HTR1E: variants seen among roughly 807,000 people sequenced by gnomAD.
The protein encoded by HTR1E is 5-hydroxytryptamine receptor 1E, also known as 5-HT-1E.
HTR1E carries 3 observed loss-of-function variants against 3.4 expected under a neutral mutation model. That is an observed-to-expected ratio of 0.89 (90% CI 0.41 to 2.31). The LOEUF (loss-of-function observed/expected upper bound fraction) is 2.31, where lower values mean the gene tolerates loss of function less well. Among genes scored for constraint, HTR1E ranks in the 30% most tolerant of loss-of-function variants. The pLI is 0.05. For synonymous variants in HTR1E, 170 were observed against 182.8 expected, an observed-to-expected ratio of 0.93 and a Z score of 0.56; for missense variants, 392 against 467.0, an observed-to-expected ratio of 0.84 and a Z score of 1.48.
intron 1 of HTR1E, among the ~76,000 whole-genome samples, chr6:87,007,445 A>C (rs1023136789): frequency 2.0e-5 from 3 of 152,224 alleles, no homozygotes; most frequent in African/African-American, 7.2e-5. Context: ...GTCAACAATA[A>C]TTTATTCTAA....
In HTR1E at chr6:87,016,108, G is replaced by T; in HGVS notation, c.774G>T (p.Lys258Asn). 1.2e-6 allele frequency: 2 copies of T among 1,614,150 alleles called. No individual in the cohort carries two copies. The highest frequency in any genetic ancestry group is 1.7e-6 in the Non-Finnish European group (2 of 1,180,022). Residue 258 changes from lysine to asparagine, a missense_variant, in exon 2 of 2, where the codon AAG (lysine) becomes AAT (asparagine). Coordinates refer to ENST00000305344, the MANE Select transcript of HTR1E (RefSeq NM_000865.3). ...CAGACCCTACCACAGAGTTTGAAAA[G>T]TTCCATGCCTCCATCAGGATCCCCC... ...STSDPTTEFE[K>N]FHASIRIPPF...
intron 1 of HTR1E, chr6:86,999,935 ATTT>A (rs1213910427): frequency 2.0e-5 from 3 of 152,270 alleles, no homozygotes; most frequent in African/African-American, 7.2e-5. Flanking sequence ...ACAAAGCACC[ATTT>A]TAAACCATTT....
chr6:86,948,682 T>C (rs1458003628), intron 1 of HTR1E, among the ~76,000 whole-genome samples: 1 of 151,820 alleles, frequency 6.6e-6, no homozygotes, highest in Non-Finnish European at 1.5e-5. Flanking sequence ...GAATGCACCC[T>C]TGGCTCCAAG....
intron 1 of HTR1E, among the ~76,000 whole-genome samples, chr6:86,938,301 G>A (rs1375692621): frequency 6.6e-6 from 1 of 152,196 alleles, no homozygotes. Flanking sequence ...CCAGCCCTCA[G>A]AAAATAATAC....
At chr6:87,013,071 G>T (rs1768261419) in intron 1 of HTR1E, among the ~76,000 whole-genome samples, 1 of 152,198 alleles carries the variant, frequency 6.6e-6, no homozygotes. Flanking sequence ...ATGAGCAGGT[G>T]CCAGCTGACT....
In HTR1E at chr6:86,960,369, C is replaced by T. The variant is rs769959896; in HGVS notation, c.-186+22546C>T. 1.2e-4 allele frequency among the ~76,000 whole-genome samples: 19 copies of T among 152,312 alleles called. No individual in the cohort carries two copies. In the Middle Eastern group the frequency reaches 0.01, roughly 82 times the overall value. On this transcript the variant is annotated intron_variant, in intron 1 of 1. Transcript: ENST00000305344. Reference sequence around the variant, plus strand: ...ATTCATAAAGGCAGACCCCTCCTGACCTAAACACCTCTCCAAGGCCCTACC... The same window carrying T: ...ATTCATAAAGGCAGACCCCTCCTGATCTAAACACCTCTCCAAGGCCCTACC...
At chr6:86,971,761 G>T (rs1767560740) in intron 1 of HTR1E, among the ~76,000 whole-genome samples, 1 of 152,052 alleles carries the variant, frequency 6.6e-6, no homozygotes, top group Non-Finnish European at 1.5e-5. Flanking sequence ...TGGGAATATT[G>T]CATGATGCTG....
At position 87,016,611 on chromosome 6, in the gene HTR1E, C is replaced by T; in HGVS notation, c.*179C>T. On this transcript the variant is annotated 3_prime_UTR_variant, in exon 2 of 2. Coordinates refer to ENST00000305344, the MANE Select transcript of HTR1E (RefSeq NM_000865.3). ...GTTTTGTTTGAGGATTGTTATTTGG[C>T]GTGCTGTTTTCTACCTCTGGTCTTA... 1.9e-6 allele frequency: 1 copy of T among 524,848 alleles called. No homozygotes were observed. Among genetic ancestry groups the T allele is most frequent in the Non-Finnish European group, 3.3e-6 (1 of 303,700 alleles). The allele number at this position is 524,848 out of a possible 1,614,324, so 32.5% of individuals were successfully genotyped here.
intron 1 of HTR1E, among the ~76,000 whole-genome samples, chr6:86,941,030 A>G (rs1373173251): frequency 5.3e-5 from 8 of 152,252 alleles, no homozygotes; most frequent in Non-Finnish European, 7.3e-5. Context: ...GGACAGATGA[A>G]CAGGGAAGAG....
chr6:87,002,201 A>G (rs1030168127), intron 1 of HTR1E, among the ~76,000 whole-genome samples: 5 of 152,098 alleles, frequency 3.3e-5, no homozygotes, highest in African/African-American at 1.2e-4. Flanking sequence ...GTTCTTAAAG[A>G]TGGTGTGTCC....
At chr6:87,012,716 T>TA (rs1449713620) in intron 1 of HTR1E, among the ~76,000 whole-genome samples, 2 of 152,258 alleles carry the variant, frequency 1.3e-5, no homozygotes, top group Non-Finnish European at 2.9e-5. Context: ...ACATAGTACT[T>TA]ACTATGTATT....
In HTR1E at chr6:87,016,046, C is replaced by T; in HGVS notation, c.712C>T (p.Leu238Phe). 5 of 1,614,220 alleles carry T rather than the reference C, an allele frequency of 3.1e-6. No homozygotes were observed. Among genetic ancestry groups the T allele is most frequent in the Non-Finnish European group, 4.2e-6 (5 of 1,180,038 alleles). Residue 238 changes from leucine (L) to phenylalanine (F), a missense_variant, in exon 2 of 2, where the codon CTT (leucine) becomes TTT (phenylalanine). Around this residue, in one of 3 missense-constraint regions of HTR1E, gnomAD observed 178 missense variants for 164.9 expected, o/e 1.08. Transcript: ENST00000305344. ...CCAGAATTCTTTTGCAAGTTGTAAA[C>T]TTACACAGACTTTCTGTGTGTCTGA... ...DSQNSFASCK[L>F]TQTFCVSDFS...
chr6:86,990,239 C>A (rs920559930), intron 1 of HTR1E, among the ~76,000 whole-genome samples: 27 of 152,188 alleles, frequency 1.8e-4, no homozygotes, highest in African/African-American at 6.0e-4. Context: ...TATGCTAATA[C>A]AACCTCAAGC....
chr6:87,002,285 T>A (rs1251497641), intron 1 of HTR1E, among the ~76,000 whole-genome samples: 1 of 152,184 alleles, frequency 6.6e-6, no homozygotes, highest in African/African-American at 2.4e-5. Flanking sequence ...CTTGCTGACT[T>A]CAGGAGCGAA....
At chr6:86,999,102 G>A (rs1235630743) in intron 1 of HTR1E, among the ~76,000 whole-genome samples, 1 of 152,078 alleles carries the variant, frequency 6.6e-6, no homozygotes, top group Non-Finnish European at 1.5e-5. Context: ...TGGGATTACA[G>A]GAACAGGCAA....
intron 1 of HTR1E, among the ~76,000 whole-genome samples, chr6:86,991,491 T>C (rs957642043): frequency 2.0e-5 from 3 of 152,188 alleles, no homozygotes; most frequent in African/African-American, 2.4e-5. Context: ...TTAAAATAGA[T>C]GGTGCAAATG....
chr6:86,941,504 G>C (rs572794259), intron 1 of HTR1E, among the ~76,000 whole-genome samples: 22 of 152,222 alleles, frequency 1.4e-4, no homozygotes, highest in African/African-American at 2.9e-4. Flanking sequence ...CACTTTAATA[G>C]GTTTATTGTT....
At chr6:86,967,646 A>T (rs971749355) in intron 1 of HTR1E, among the ~76,000 whole-genome samples, 9 of 152,294 alleles carry the variant, frequency 5.9e-5, no homozygotes, top group African/African-American at 1.9e-4. Context: ...GATCAGGGAA[A>T]TTTATTTTTC....
chr6:87,001,781 A>C (rs1166715218), intron 1 of HTR1E, among the ~76,000 whole-genome samples: 1 of 152,210 alleles, frequency 6.6e-6, no homozygotes, highest in East Asian at 1.9e-4. Flanking sequence ...GAACTCAGAC[A>C]AAAATAAATA....
Sources: gnomAD v4.1 joint callset for allele counts (sites outside exome capture counted in the v4.1 genomes callset) on GRCh38, gnomAD v4.1.1 for gene constraint, gnomAD v4.1.1 regional missense constraint, MANE v1.5 for transcripts, NCBI Gene and HGNC (gene_info 2026-07-23, HGNC 2026-07-21) for gene names.